The following KAZN variants were observed in gnomAD, a reference collection of about 807,000 sequenced individuals.
KAZN encodes the protein kazrin, periplakin interacting protein, also known as kazrin.
Under a neutral mutation model 87.4 loss-of-function variants are expected in KAZN, and 40 were observed. That is an observed-to-expected ratio of 0.46 (90% confidence interval 0.36 to 0.60). The LOEUF (loss-of-function observed/expected upper bound fraction) is 0.60, where lower values mean the gene tolerates loss of function less well. Among genes scored for constraint, KAZN ranks in the 20% least tolerant of loss-of-function variants. KAZN has a pLI of 0.00. For missense variants in KAZN, 898 were observed against 1,073.9 expected (o/e 0.84, Z 2.29); for synonymous variants, 466 against 458.3 (o/e 1.02, Z -0.22).
At chr1:14,041,292 G>T (rs1321895719) in intron 1 of KAZN, among the ~76,000 whole-genome samples, 2 of 152,004 alleles carry the variant, frequency 1.3e-5, no homozygotes, top group African/African-American at 4.8e-5. Flanking sequence ...AATTACTATT[G>T]TTTCCATTAT....
At chr1:14,131,748 G>C (rs1644996960) in intron 1 of KAZN, among the ~76,000 whole-genome samples, 1 of 152,048 alleles carries the variant, frequency 6.6e-6, no homozygotes, top group Non-Finnish European at 1.5e-5. Flanking sequence ...GGTAAAGTAG[G>C]GTTCAGGTGA....
At chr1:14,334,177 C>T (rs1379744133) in intron 2 of KAZN, among the ~76,000 whole-genome samples, 1 of 151,926 alleles carries the variant, frequency 6.6e-6, no homozygotes, top group Non-Finnish European at 1.5e-5. Context: ...ACCAGCCTGA[C>T]CAACATGGTG....
chr1:14,507,767 C>T (rs113520586), intron 2 of KAZN, among the ~76,000 whole-genome samples: 7 of 152,044 alleles, frequency 4.6e-5, no homozygotes, highest in African/African-American at 1.7e-4. Context: ...GATCTCCCAC[C>T]GAAGCTCTGC....
At chr1:14,375,614 C>T (rs1006070468) in intron 2 of KAZN, among the ~76,000 whole-genome samples, 2 of 152,058 alleles carry the variant, frequency 1.3e-5, no homozygotes, top group African/African-American at 4.8e-5. Context: ...AGGCTGGGCA[C>T]GGTGGCTCAC....
intron 2 of KAZN, among the ~76,000 whole-genome samples, chr1:14,218,354 C>A (rs1022857112): frequency 8.5e-5 from 13 of 152,124 alleles, no homozygotes; most frequent in African/African-American, 3.1e-4. Flanking sequence ...AGAAAGCAAC[C>A]CAATAGCAAT....
chr1:14,251,723 ACTGCAGC>A (rs1650062440), intron 2 of KAZN, among the ~76,000 whole-genome samples: 1 of 138,854 alleles, frequency 7.2e-6, no homozygotes. Flanking sequence ...ATCATGGCTC[ACTGCAGC>A]CTTGACCTCT....
At chr1:14,766,797 C>T (rs1300576602) in intron 1 of KAZN, among the ~76,000 whole-genome samples, 3 of 151,556 alleles carry the variant, frequency 2.0e-5, no homozygotes, top group African/African-American at 4.9e-5. Context: ...ACTGGAGATA[C>T]CACTGGTTCC....
At chr1:14,548,193 C>G (rs192689163) in intron 2 of KAZN, among the ~76,000 whole-genome samples, 48 of 149,306 alleles carry the variant, frequency 3.2e-4, no homozygotes, top group East Asian at 2.5e-3. Context: ...TTTTCCTCTT[C>G]GTGCATTTTT....
At chr1:14,669,512 G>A (rs1332164968) in intron 1 of KAZN, among the ~76,000 whole-genome samples, 1 of 152,208 alleles carries the variant, frequency 6.6e-6, no homozygotes, top group Non-Finnish European at 1.5e-5. Flanking sequence ...GTGAAGCTGA[G>A]CGGGGAGGAT....
At position 14,343,815 on chromosome 1, in the gene KAZN, G is replaced by A. The variant is rs530043703; in HGVS notation, c.249+163223G>A. Reference sequence around the variant, plus strand: ...CCATTTTGAGGCACTTAACATGAGCGGGCAGCCTCTCTCCTTTCATTTCCT... The same window carrying A: ...CCATTTTGAGGCACTTAACATGAGCAGGCAGCCTCTCTCCTTTCATTTCCT... On this transcript the variant is annotated intron_variant, in intron 2 of 16. Transcript: ENST00000636203. 8.5e-5 allele frequency among the ~76,000 whole-genome samples: 13 copies of A among 152,136 alleles called. No individual in the cohort carries two copies. In the South Asian group the frequency reaches 1.2e-3, roughly 15 times the overall value.
intron 1 of KAZN, among the ~76,000 whole-genome samples, chr1:13,909,748 GTCC>G (rs1184991251): frequency 6.6e-6 from 1 of 152,232 alleles, no homozygotes; most frequent in Admixed American, 6.5e-5. Context: ...TGAGGGCAGA[GTCC>G]TCCTTCTGCT....
chr1:14,303,174 T>C lies in KAZN; in HGVS notation c.249+122582T>C, dbSNP rs1654680570. Among the ~76,000 whole-genome samples, 4 of 152,308 alleles carry C rather than the reference T, an allele frequency of 2.6e-5. No individual in the cohort carries two copies. In the South Asian group the frequency reaches 8.3e-4, roughly 32 times the overall value. ...TCGGTGTTTCACAAAGTGTGGTCTA[T>C]GGACTAGCTGTGTCAAAATCATCTG... On this transcript the variant is annotated intron_variant, in intron 2 of 16. Transcript: ENST00000636203.
intron 1 of KAZN, among the ~76,000 whole-genome samples, chr1:14,741,527 G>C (rs1369804974): frequency 6.6e-6 from 1 of 152,242 alleles, no homozygotes; most frequent in Non-Finnish European, 1.5e-5. Flanking sequence ...TGAAATTTGA[G>C]AGCACAACTA....
intron 1 of KAZN, among the ~76,000 whole-genome samples, chr1:14,775,776 T>C (rs148719033): frequency 6.6e-6 from 1 of 152,316 alleles, no homozygotes; most frequent in Non-Finnish European, 1.5e-5. Flanking sequence ...GTTCATAAGA[T>C]ACATGTCAGC....
At chr1:14,326,151 A>C (rs1279437067) in intron 2 of KAZN, among the ~76,000 whole-genome samples, 1 of 152,052 alleles carries the variant, frequency 6.6e-6, no homozygotes, top group East Asian at 1.9e-4. Context: ...CAAACTTAAC[A>C]AAGTCAAAAC....
chr1:14,982,218 C>T (rs906672534), intron 2 of KAZN, among the ~76,000 whole-genome samples: 33 of 149,682 alleles, frequency 2.2e-4, no homozygotes, highest in Admixed American at 1.8e-3. Context: ...GCACTCCGGC[C>T]GTTCCAGCCC....
intron 1 of KAZN, among the ~76,000 whole-genome samples, chr1:13,970,411 G>A (rs1642096335): frequency 6.6e-6 from 1 of 152,210 alleles, no homozygotes; most frequent in Non-Finnish European, 1.5e-5. Context: ...TTACAGGTGA[G>A]GAGACTTAGG....
rs59563758 is a variant in KAZN, at chr1:14,557,629, G to GGTGTGT, written c.250-41322_250-41317dup. ...AAACAAAACCAATAGGGTGTGTGTG[G>GGTGTGT]GTGTGTGTGTGTGTGTGTGTGTGTG... On this transcript the variant is annotated intron_variant, in intron 2 of 16. Coordinates refer to the KAZN transcript ENST00000636203. Among the ~76,000 whole-genome samples the GGTGTGT allele has an allele frequency of 9.0e-3, 1,237 of 137,914 alleles. 10 individuals are homozygous for GGTGTGT. Among genetic ancestry groups the GGTGTGT allele is most frequent in the East Asian group, 0.011 (52 of 4,556 alleles). 90.5% of individuals were successfully genotyped at this position (137,914 alleles called of 152,430 possible).
intron 1 of KAZN, among the ~76,000 whole-genome samples, chr1:13,930,209 A>G (rs180674250): frequency 3.3e-5 from 5 of 152,298 alleles, no homozygotes; most frequent in East Asian, 1.9e-4. Flanking sequence ...ATGTGATTCA[A>G]TTACAGACTT....
Sources: gnomAD v4.1 joint callset for allele counts (sites outside exome capture counted in the v4.1 genomes callset) on GRCh38, gnomAD v4.1.1 for gene constraint, MANE v1.5 for transcripts, NCBI Gene and HGNC (gene_info 2026-07-23, HGNC 2026-07-21) for gene names.